CNTNAP5: variants seen among roughly 807,000 people sequenced by gnomAD.
CNTNAP5 encodes the protein contactin associated protein family member 5.
CNTNAP5 carries 72 observed loss-of-function variants against 150.2 expected under a neutral mutation model. That is an observed-to-expected ratio of 0.48 (90% confidence interval 0.40 to 0.58). The LOEUF (loss-of-function observed/expected upper bound fraction) is 0.58, where lower values mean the gene tolerates loss of function less well. Among genes scored for constraint, CNTNAP5 ranks in the 20% least tolerant of loss-of-function variants. CNTNAP5 has a pLI of 0.00. For synonymous variants in CNTNAP5, 672 were observed against 619.8 expected, an observed-to-expected ratio of 1.08 and a Z score of -1.25; for missense variants, 1,636 against 1,626.2, an observed-to-expected ratio of 1.01 and a Z score of -0.10.
At chr2:124,820,296 C>T (rs561417376) in intron 19 of CNTNAP5, among the ~76,000 whole-genome samples, 3 of 152,042 alleles carry the variant, frequency 2.0e-5, no homozygotes, top group Admixed American at 6.6e-5. Context: ...AATCCATTTA[C>T]AGTAAATGTC....
At chr2:124,208,880 A>G (rs1685932640) in intron 1 of CNTNAP5, among the ~76,000 whole-genome samples, 1 of 152,216 alleles carries the variant, frequency 6.6e-6, no homozygotes, top group African/African-American at 2.4e-5. Context: ...AGCTGTAGCT[A>G]TCATTAATTA....
rs111590228 is a variant in CNTNAP5, at chr2:124,696,591, A to G, written c.2077+48633A>G. ...ATATGTCCCTGAAAAGGAACAAGGA[A>G]GTTATGTTCATTTAATAATCTCTTA... On this transcript the variant is annotated intron_variant, in intron 13 of 23. Transcript: ENST00000682447. Among the ~76,000 whole-genome samples, 21 of 152,262 alleles carry G rather than the reference A, an allele frequency of 1.4e-4. 1 individual carries two copies. The highest frequency in any genetic ancestry group is 4.8e-4 in the African/African-American group (20 of 41,568).
chr2:124,502,079 A>G (rs1438051581), intron 7 of CNTNAP5, among the ~76,000 whole-genome samples: 1 of 152,172 alleles, frequency 6.6e-6, no homozygotes, highest in Non-Finnish European at 1.5e-5. Context: ...AGTGCATTTC[A>G]AAGTTTTCCT....
rs112448547 is a variant in CNTNAP5 at position 124,915,217 on chromosome 2, C to CATATATAT, written c.*935_*942dup. 6.2e-6 allele frequency: 1 copy of CATATATAT among 162,388 alleles called. No homozygotes were observed. Among genetic ancestry groups the CATATATAT allele is most frequent in the East Asian group, 2.0e-4 (1 of 5,040 alleles). The allele number at this position is 162,388 out of a possible 1,614,324, so 10.1% of individuals were successfully genotyped here. A position where few individuals can be genotyped will look rare whatever the true frequency, so the allele number is the denominator to read the frequency against. ...ATATACACACACACACACACACACACATATATATATATACACACACGCACA... is the reference window on the plus strand; with the variant it reads ...ATATACACACACACACACACACACACATATATATATATATATATATACACACACGCACA... On this transcript the variant is annotated 3_prime_UTR_variant, in exon 24 of 24. Coordinates refer to ENST00000682447, the MANE Select transcript of CNTNAP5 (RefSeq NM_001367498.1).
chr2:124,116,811 TC>T (rs1157550110), intron 1 of CNTNAP5, among the ~76,000 whole-genome samples: 2 of 152,314 alleles, frequency 1.3e-5, no homozygotes, highest in East Asian at 1.9e-4. Context: ...TCCTACATCA[TC>T]TTTTGGAGGC....
intron 3 of CNTNAP5, among the ~76,000 whole-genome samples, chr2:124,385,059 G>T (rs1690895163): frequency 1.3e-5 from 2 of 152,162 alleles, no homozygotes; most frequent in Admixed American, 1.3e-4. Flanking sequence ...GCAAATGGCA[G>T]GCACCCAACC....
In CNTNAP5 at chr2:124,685,315, T is replaced by A. The variant is rs148744371; in HGVS notation, c.2077+37357T>A. 3.3e-5 allele frequency among the ~76,000 whole-genome samples: 5 copies of A among 152,318 alleles called. No homozygotes were observed. The East Asian group carries it at 9.6e-4, about 29-fold the overall frequency. On this transcript the variant is annotated intron_variant, in intron 13 of 23. Coordinates refer to ENST00000682447, the MANE Select transcript of CNTNAP5 (RefSeq NM_001367498.1). Reference sequence around the variant, plus strand: ...TTGCCTTCTCCACTATTTTGGAGGCTGTGCAGAATAAATACTGTAAAATGG... The same window carrying A: ...TTGCCTTCTCCACTATTTTGGAGGCAGTGCAGAATAAATACTGTAAAATGG...
chr2:124,136,090 C>A (rs1178923466), intron 1 of CNTNAP5, among the ~76,000 whole-genome samples: 1 of 152,172 alleles, frequency 6.6e-6, no homozygotes, highest in African/African-American at 2.4e-5. Flanking sequence ...CTGTGATGTC[C>A]AATTTCCAAT....
At chr2:124,669,204 C>T (rs1414523357) in intron 13 of CNTNAP5, among the ~76,000 whole-genome samples, 2 of 152,182 alleles carry the variant, frequency 1.3e-5, no homozygotes, top group African/African-American at 4.8e-5. Flanking sequence ...AGGGACAGGA[C>T]CTGCATTTGG....
chr2:124,845,025 G>C (rs996084012), intron 19 of CNTNAP5, among the ~76,000 whole-genome samples: 1 of 152,078 alleles, frequency 6.6e-6, no homozygotes, highest in East Asian at 1.9e-4. Flanking sequence ...TTAAATAGAA[G>C]TGGTAAAAGT....
At chr2:124,654,978 G>T (rs1210507951) in intron 13 of CNTNAP5, among the ~76,000 whole-genome samples, 1 of 149,510 alleles carries the variant, frequency 6.7e-6, no homozygotes, top group African/African-American at 2.5e-5. Flanking sequence ...TATTATTATT[G>T]TTATTATTAT....
chr2:124,282,699 T>G (rs1333884950), intron 3 of CNTNAP5, among the ~76,000 whole-genome samples: 1 of 152,002 alleles, frequency 6.6e-6, no homozygotes, highest in Non-Finnish European at 1.5e-5. Context: ...GATAAATACA[T>G]TAAATCAAAT....
chr2:124,600,479 C>T (rs1241474350), intron 11 of CNTNAP5, among the ~76,000 whole-genome samples: 1 of 152,050 alleles, frequency 6.6e-6, no homozygotes, highest in Non-Finnish European at 1.5e-5. Context: ...TCTACAGTAG[C>T]ACATCCTGCC....
At chr2:124,487,641 G>T (rs938187045) in intron 7 of CNTNAP5, among the ~76,000 whole-genome samples, 1 of 151,918 alleles carries the variant, frequency 6.6e-6, no homozygotes, top group African/African-American at 2.4e-5. Flanking sequence ...GAATGAGCTT[G>T]CCTAGAAGCT....
intron 17 of CNTNAP5, among the ~76,000 whole-genome samples, chr2:124,782,041 A>G (rs1249240444): frequency 1.3e-5 from 2 of 152,178 alleles, no homozygotes; most frequent in African/African-American, 4.8e-5. Flanking sequence ...ATATGTGTGC[A>G]TATGTAGATG....
At chr2:124,049,859 G>A (rs1241624944) in intron 1 of CNTNAP5, among the ~76,000 whole-genome samples, 1 of 152,070 alleles carries the variant, frequency 6.6e-6, no homozygotes, top group Admixed American at 6.5e-5. Context: ...GTCTAATGAG[G>A]GCCTGCTTGC....
intron 11 of CNTNAP5, among the ~76,000 whole-genome samples, chr2:124,583,158 C>A (rs572213040): frequency 9.2e-5 from 14 of 152,180 alleles, no homozygotes; most frequent in South Asian, 8.3e-4. Flanking sequence ...CACCTTGCTT[C>A]CCTACACGAC....
intron 10 of CNTNAP5, among the ~76,000 whole-genome samples, chr2:124,539,515 T>G (rs1248478576): frequency 6.6e-6 from 1 of 152,186 alleles, no homozygotes; most frequent in Non-Finnish European, 1.5e-5. Context: ...CTGTTCATAT[T>G]TTAGCCCAAT....
chr2:124,652,604 C>T (rs755115070), intron 13 of CNTNAP5, among the ~76,000 whole-genome samples: 1 of 152,204 alleles, frequency 6.6e-6, no homozygotes, highest in African/African-American at 2.4e-5. Context: ...CTCTATAACC[C>T]ATAACTTTCC....
Sources: allele counts gnomAD v4.1 joint callset (sites outside exome capture counted in the v4.1 genomes callset), GRCh38; gene constraint gnomAD v4.1.1; transcripts MANE v1.5; gene names NCBI Gene and HGNC (gene_info 2026-07-23, HGNC 2026-07-21).